The following TMEM156 variants were observed in gnomAD, a reference collection of about 807,000 sequenced individuals.
The protein encoded by TMEM156 is transmembrane protein 156.
In TMEM156, 28 loss-of-function variants were observed where a neutral mutation model predicts 30.5. That is an observed-to-expected ratio of 0.92 (90% confidence interval 0.68 to 1.26). TMEM156 has a LOEUF of 1.26. TMEM156 is among the 50% of genes most tolerant of loss of function. The probability of loss-of-function intolerance (pLI) is 0.00; values close to 1 mark genes in which losing one functional copy is unlikely to be tolerated. For synonymous variants in TMEM156, 137 were observed against 119.9 expected (o/e 1.14, Z -0.93); for missense variants, 351 against 340.6 (o/e 1.03, Z -0.24).
intron 1 of TMEM156, among the ~76,000 whole-genome samples, chr4:39,019,743 G>C (rs1714740732): frequency 1.3e-5 from 2 of 152,024 alleles, no homozygotes; most frequent in African/African-American, 4.8e-5. Context: ...TATATATATT[G>C]TTAGGTGATT....
chr4:39,010,962 C>G (rs993594561), intron 1 of TMEM156, among the ~76,000 whole-genome samples: 3 of 152,018 alleles, frequency 2.0e-5, no homozygotes, highest in Non-Finnish European at 2.9e-5. Flanking sequence ...AAACTATCAA[C>G]AGAGTAAAGA....
chr4:39,012,036 A>G (rs1168020715), intron 1 of TMEM156, among the ~76,000 whole-genome samples: 1 of 152,202 alleles, frequency 6.6e-6, no homozygotes, highest in Non-Finnish European at 1.5e-5. Flanking sequence ...GAGGGAAGGA[A>G]GCAAGGGCTT....
chr4:39,006,957 AC>A (rs1279797627), intron 1 of TMEM156, among the ~76,000 whole-genome samples: 56 of 152,074 alleles, frequency 3.7e-4, no homozygotes, highest in African/African-American at 1.3e-3. Flanking sequence ...AAACAAACAA[AC>A]AAAAAAACAA....
At chr4:38,978,667 C>T (rs539302458) in intron 5 of TMEM156, among the ~76,000 whole-genome samples, 1 of 152,282 alleles carries the variant, frequency 6.6e-6, no homozygotes, top group Non-Finnish European at 1.5e-5. Context: ...ACAAATTCAT[C>T]TTCAAAAAAT....
At chr4:38,987,926 A>T (rs1200471365) in intron 4 of TMEM156, among the ~76,000 whole-genome samples, 1 of 152,126 alleles carries the variant, frequency 6.6e-6, no homozygotes, top group Non-Finnish European at 1.5e-5. Context: ...TGAATTGTCC[A>T]TTGGGCCTGA....
At position 38,988,903 on chromosome 4, in the gene TMEM156, G is replaced by A; in HGVS notation, c.687C>T (p.Ile229=). 6.2e-7 allele frequency: 1 copy of A among 1,613,902 alleles called. No homozygotes were observed. The highest frequency in any genetic ancestry group is 1.7e-4 in the Middle Eastern group (1 of 6,060). Residue 229 remains isoleucine (I), a synonymous_variant, in exon 4 of 7, where the codon ATC becomes ATT. Coordinates refer to ENST00000381938, the MANE Select transcript of TMEM156 (RefSeq NM_024943.3). ...CTTCAAGTATTTTGCGGATAGTGAG[G>A]ATGATCAAAAATATAAAAACTAATA... ...LVLLVFIFLI[I]LTIRKILEGQ... is the part of the protein sequence containing the mutation.
At chr4:39,028,942 A>C (rs879631519) in intron 1 of TMEM156, among the ~76,000 whole-genome samples, 1 of 152,224 alleles carries the variant, frequency 6.6e-6, no homozygotes, top group African/African-American at 2.4e-5. Context: ...AAAGTCTCAC[A>C]CAGTGTTGAA....
intron 5 of TMEM156, among the ~76,000 whole-genome samples, chr4:38,976,598 T>A (rs1282583978): frequency 6.6e-6 from 1 of 152,178 alleles, no homozygotes; most frequent in Non-Finnish European, 1.5e-5. Context: ...TGTGAGATAA[T>A]AAGTGTGTGC....
In TMEM156 at chr4:38,993,894, A is replaced by C; in HGVS notation, c.463T>G (p.Tyr155Asp). Reference protein sequence around the residue: ...VAPLVDHLEEYNTTCHLKNHT... With the variant: ...VAPLVDHLEEDNTTCHLKNHT... ...TTTTTTAGATGACAGGTAGTGTTAT[A>C]TTCCTCCAAGTGGTCAACCAGAGGA... The change falls in exon 3 of 7, where the codon TAT (tyrosine) becomes GAT (aspartate). Residue 155 changes from tyrosine to aspartate, a missense_variant. Coordinates refer to ENST00000381938, the MANE Select transcript of TMEM156 (RefSeq NM_024943.3). The C allele has an allele frequency of 6.2e-7, 1 of 1,614,154 alleles. No homozygotes were observed. Among genetic ancestry groups the C allele is most frequent in the South Asian group, 1.1e-5 (1 of 91,082 alleles).
chr4:39,001,120 G>A (rs895607484), intron 1 of TMEM156, among the ~76,000 whole-genome samples: 11 of 149,926 alleles, frequency 7.3e-5, no homozygotes, highest in Non-Finnish European at 1.0e-4. Flanking sequence ...GAAAACAACC[G>A]ACCACTTCGG....
intron 6 of TMEM156, among the ~76,000 whole-genome samples, chr4:38,970,497 AC>A (rs762641065): frequency 6.6e-6 from 1 of 151,998 alleles, no homozygotes. Flanking sequence ...TAATTTTTAT[AC>A]CCCCTACAAT....
chr4:38,998,784 T>C lies in TMEM156; in HGVS notation c.214A>G (p.Arg72Gly). 6.2e-7 allele frequency: 1 copy of C among 1,613,948 alleles called. No individual in the cohort carries two copies. The highest frequency in any genetic ancestry group is 8.5e-7 in the Non-Finnish European group (1 of 1,179,952). ...QPVRETQIIM[R>G]IFLNPSNFRN... is the part of the protein sequence containing the mutation. ...AAATTGGAGGGATTTAGAAAGATTCTCATGATAATCTGAGTTTCCCTTACT... is the reference window on the plus strand; with the variant it reads ...AAATTGGAGGGATTTAGAAAGATTCCCATGATAATCTGAGTTTCCCTTACT... Residue 72 changes from arginine (R) to glycine (G), a missense_variant, in exon 2 of 7, where the codon AGA becomes GGA. Coordinates refer to ENST00000381938, the MANE Select transcript of TMEM156 (RefSeq NM_024943.3).
intron 5 of TMEM156, among the ~76,000 whole-genome samples, chr4:38,983,580 T>A (rs1577518915): frequency 6.6e-6 from 1 of 152,248 alleles, no homozygotes; most frequent in African/African-American, 2.4e-5. Context: ...GTTTATTTTT[T>A]ATAGAGATGG....
At chr4:39,026,311 G>A (rs1391227132) in intron 1 of TMEM156, among the ~76,000 whole-genome samples, 2 of 151,604 alleles carry the variant, frequency 1.3e-5, no homozygotes, top group Non-Finnish European at 2.9e-5. Context: ...CCCAGGAATT[G>A]GAGTCCAGCC....
chr4:38,985,537 T>C (rs1326033935), intron 5 of TMEM156, among the ~76,000 whole-genome samples: 1 of 152,122 alleles, frequency 6.6e-6, no homozygotes, highest in Non-Finnish European at 1.5e-5. Flanking sequence ...GGACTGGAGG[T>C]TTGCTCGGCA....
At chr4:38,976,014 C>G (rs1722832147) in intron 5 of TMEM156, among the ~76,000 whole-genome samples, 1 of 151,946 alleles carries the variant, frequency 6.6e-6, no homozygotes, top group South Asian at 2.1e-4. Context: ...AGGCTGGGCG[C>G]AGTGGCTCAC....
intron 1 of TMEM156, among the ~76,000 whole-genome samples, chr4:39,000,405 A>T (rs1713254636): frequency 6.6e-6 from 1 of 152,046 alleles, no homozygotes; most frequent in Non-Finnish European, 1.5e-5. Flanking sequence ...AGGAGAAAAA[A>T]GATTCCAGTG....
In TMEM156 at chr4:39,004,173, T is replaced by A. The variant is rs573048630; in HGVS notation, c.89-5264A>T. ...CCATTAATACTGCTGAGAGTCAACATCTAAATGTTCACTCTCAGAGATGGA... is the reference window on the plus strand; with the variant it reads ...CCATTAATACTGCTGAGAGTCAACAACTAAATGTTCACTCTCAGAGATGGA... On this transcript the variant is annotated intron_variant, in intron 1 of 6. Coordinates refer to ENST00000381938, the MANE Select transcript of TMEM156 (RefSeq NM_024943.3). 2.6e-5 allele frequency among the ~76,000 whole-genome samples: 4 copies of A among 152,262 alleles called. No homozygotes were observed. The South Asian group carries it at 6.2e-4, about 24-fold the overall frequency.
At chr4:39,020,505 G>A (rs527507722) in intron 1 of TMEM156, among the ~76,000 whole-genome samples, 6 of 152,118 alleles carry the variant, frequency 3.9e-5, no homozygotes, top group Non-Finnish European at 7.4e-5. Flanking sequence ...CAAGTAACTG[G>A]GACTACAGGT....
Sources: allele counts gnomAD v4.1 joint callset (sites outside exome capture counted in the v4.1 genomes callset), GRCh38; gene constraint gnomAD v4.1.1; transcripts MANE v1.5; gene names NCBI Gene and HGNC (gene_info 2026-07-23, HGNC 2026-07-21).